The following NMRAL1 variants were observed in gnomAD, a reference collection of about 807,000 sequenced individuals.
NMRAL1 encodes the protein NmrA like redox sensor 1, also known as nmrA-like family domain-containing protein 1.
In NMRAL1, 32 loss-of-function variants were observed where a neutral mutation model predicts 27.5. The observed-to-expected ratio is 1.16, with a 90% CI of 0.88 to 1.56. The LOEUF (loss-of-function observed/expected upper bound fraction) is 1.56, where lower values mean the gene tolerates loss of function less well. NMRAL1 is among the 40% of genes most tolerant of loss of function. NMRAL1 has a pLI of 0.00. For synonymous variants in NMRAL1, 166 were observed against 166.8 expected, an observed-to-expected ratio of 1.00 and a Z score of 0.04; for missense variants, 420 against 392.0, an observed-to-expected ratio of 1.07 and a Z score of -0.60.
chr16:4,474,423 C>G (rs1348777330), intron 1 of NMRAL1, 131 bp downstream of exon 1: 1 of 427,034 alleles, frequency 2.3e-6, no homozygotes, highest in Non-Finnish European at 4.3e-6. Context: ...CTGGAGTGAC[C>G]TCCTCGCCGC....
upstream of NMRAL1, among the ~76,000 whole-genome samples, chr16:4,475,442 G>T (rs2057793720): frequency 6.6e-6 from 1 of 151,658 alleles, no homozygotes; most frequent in African/African-American, 2.4e-5. Flanking sequence ...TGAGTAGCTG[G>T]GATTACAGGC....
chr16:4,471,224 A>G (rs1445759583), intron 2 of NMRAL1: 1 of 152,202 alleles, frequency 6.6e-6, no homozygotes, highest in Non-Finnish European at 1.5e-5. Flanking sequence ...AACGAGACAA[A>G]GAAAAATAGT....
intron 3 of NMRAL1, among the ~76,000 whole-genome samples, chr16:4,467,567 C>G (rs2057375938): frequency 6.6e-6 from 1 of 152,000 alleles, no homozygotes; most frequent in East Asian, 2.0e-4. Context: ...ACATTGCTGA[C>G]ACCTTGATTT....
rs1260107485 is a variant in NMRAL1 at position 4,469,661 on chromosome 16, G to A, written c.41-196C>T. 6 of 1,160,450 alleles carry A rather than the reference G, an allele frequency of 5.2e-6. No homozygotes were observed. In the South Asian group the frequency reaches 1.0e-4, roughly 19 times the overall value. The allele number at this position is 1,160,450 out of a possible 1,614,324, so 71.9% of individuals were successfully genotyped here. A position where few individuals can be genotyped will look rare whatever the true frequency, so the allele number is the denominator to read the frequency against. On this transcript the variant is annotated intron_variant, in intron 2 of 5. Transcript: ENST00000283429. ...GTCTCACTCTATCACCCAGGCTGAA[G>A]TGCAGTGGCACGATCTTGGCTTGGT...
intron 2 of NMRAL1, among the ~76,000 whole-genome samples, chr16:4,469,949 G>T: frequency 6.6e-6 from 1 of 151,682 alleles, no homozygotes; most frequent in East Asian, 1.9e-4. Flanking sequence ...TGGATCACCA[G>T]GTAAGGAGAC....
At position 4,461,913 on chromosome 16, in the gene NMRAL1, T is replaced by C. The variant is rs764890767; in HGVS notation, c.767A>G (p.Asp256Gly). ...ATAGAAACGGAACATGTTGGCCAGG[T>C]CCCGGGCACCGGGAAAGCCAAGCTT... ...YEKLGFPGAR[D>G]LANMFRFYAL... The change falls in exon 6 of 6, where the codon GAC becomes GGC. Residue 256 changes from aspartate to glycine, a missense_variant. Asp to Gly is a moderately conservative substitution (Grantham distance 94, BLOSUM62 -1). Coordinates refer to ENST00000283429, the MANE Select transcript of NMRAL1 (RefSeq NM_020677.6). 1.1e-5 allele frequency: 17 copies of C among 1,613,954 alleles called. No individual in the cohort carries two copies. The African/African-American group carries it at 1.7e-4, about 16-fold the overall frequency.
chr16:4,470,880 G>C (rs960328254), intron 2 of NMRAL1, among the ~76,000 whole-genome samples: 5 of 151,502 alleles, frequency 3.3e-5, no homozygotes, highest in African/African-American at 1.2e-4. Context: ...CCAGGAGGTG[G>C]AGCTTGCAGT....
chr16:4,468,971 AT>A (rs1301524250), intron 3 of NMRAL1, among the ~76,000 whole-genome samples: 1 of 71,274 alleles, frequency 1.4e-5, no homozygotes, highest in Non-Finnish European at 4.0e-5. Context: ...AACATTTTTG[AT>A]TAAAAAAAAA....
chr16:4,466,131 G>A (rs759125638), intron 4 of NMRAL1, 22 bp downstream of exon 4: 32 of 1,613,200 alleles, frequency 2.0e-5, no homozygotes, highest in East Asian at 8.9e-5. Flanking sequence ...CTGCCTCACC[G>A]TGTGCGAGAA....
chr16:4,468,204 G>A (rs1898737), intron 3 of NMRAL1, among the ~76,000 whole-genome samples: 101,663 of 152,042 alleles, frequency 0.67, 34,798 homozygotes, highest in Non-Finnish European at 0.74. Context: ...CGGGAGGCTG[G>A]GGCAGGAGAA....
At chr16:4,465,527 A>C (rs1168870179) in intron 4 of NMRAL1, among the ~76,000 whole-genome samples, 1 of 152,190 alleles carries the variant, frequency 6.6e-6, no homozygotes, top group Non-Finnish European at 1.5e-5. Flanking sequence ...TTCATTTTCC[A>C]AATCCTCTCC....
intron 3 of NMRAL1, among the ~76,000 whole-genome samples, chr16:4,468,615 CAAAAAAAA>C (rs59245472): frequency 5.5e-5 from 7 of 128,256 alleles, no homozygotes; most frequent in Admixed American, 1.5e-4. Context: ...GACTCAGTCT[CAAAAAAAA>C]AAAAAAAAAA....
chr16:4,468,243 G>A (rs561590217), intron 3 of NMRAL1, among the ~76,000 whole-genome samples: 2 of 152,058 alleles, frequency 1.3e-5, no homozygotes, highest in South Asian at 4.1e-4. Context: ...CGGAGGTTGC[G>A]GTGAGCCAAG....
intron 4 of NMRAL1, 52 bp downstream of exon 4, chr16:4,466,101 G>A (rs1040404888): frequency 8.1e-6 from 13 of 1,604,858 alleles, no homozygotes; most frequent in East Asian, 6.7e-5. Context: ...TTACACCAAC[G>A]GCTTTACAGG....
chr16:4,474,058 G>A (rs746672329), intron 2 of NMRAL1, 35 bp downstream of exon 2: 39 of 1,579,146 alleles, frequency 2.5e-5, no homozygotes, highest in Non-Finnish European at 3.3e-5. Flanking sequence ...AGGCGCCCTG[G>A]CTCTGCAAGG....
intron 1 of NMRAL1, 50 bp from the exon 2 acceptor site, chr16:4,474,216 C>G: frequency 7.1e-7 from 1 of 1,408,486 alleles, no homozygotes; most frequent in South Asian, 1.2e-5. Flanking sequence ...GGGTTCCCGC[C>G]AGGAGCGACA....
intron 4 of NMRAL1, chr16:4,464,216 G>C (rs975867272): frequency 2.4e-5 from 7 of 289,910 alleles, no homozygotes; most frequent in Non-Finnish European, 3.8e-5. Context: ...AGTGTGGCTG[G>C]AGCCCAGGGT....
chr16:4,468,579 G>C (rs1451382083), intron 3 of NMRAL1, among the ~76,000 whole-genome samples: 1 of 147,082 alleles, frequency 6.8e-6, no homozygotes, highest in Non-Finnish European at 1.5e-5. Flanking sequence ...TCACCCCACT[G>C]CACTCCGGCC....
At chr16:4,467,681 A>G (rs1224345581) in intron 3 of NMRAL1, among the ~76,000 whole-genome samples, 1 of 140,662 alleles carries the variant, frequency 7.1e-6, no homozygotes, top group South Asian at 2.4e-4. Context: ...GTGCAGTGGC[A>G]CAATCTTGGC....
Sources: gnomAD v4.1 joint callset for allele counts (sites outside exome capture counted in the v4.1 genomes callset) on GRCh38, gnomAD v4.1.1 for gene constraint, MANE v1.5 for transcripts, NCBI Gene and HGNC (gene_info 2026-07-23, HGNC 2026-07-21) for gene names.